PRDM1: variants seen among roughly 807,000 people sequenced by gnomAD.
PRDM1 encodes the protein PR domain zinc finger protein 1.
PRDM1 carries 13 observed loss-of-function variants against 62.8 expected under a neutral mutation model. That is an observed-to-expected ratio of 0.21 (90% confidence interval 0.13 to 0.33). The LOEUF is 0.33. Ranked by LOEUF, PRDM1 falls within the 10% of genes least tolerant of loss-of-function variation. The pLI, the probability that PRDM1 is intolerant of heterozygous loss-of-function variation, is 1.00. For synonymous variants in PRDM1, 396 were observed against 417.6 expected, an observed-to-expected ratio of 0.95 and a Z score of 0.63; for missense variants, 895 against 1,058.8, an observed-to-expected ratio of 0.85 and a Z score of 2.15.
intron 2 of PRDM1, among the ~76,000 whole-genome samples, 153 bp from the exon 3 acceptor site, chr6:106,095,462 T>C (rs1037373113): frequency 6.6e-6 from 1 of 152,260 alleles, no homozygotes; most frequent in Non-Finnish European, 1.5e-5. Flanking sequence ...GTGAAGCTTG[T>C]TAATTATGTA....
In PRDM1 at chr6:106,014,302, C is replaced by T. The variant is rs182385457; in HGVS notation, c.-67+20663C>T. Among the ~76,000 whole-genome samples, 526 of 151,776 alleles carry T rather than the reference C, an allele frequency of 3.5e-3. 2 individuals carry two copies. The highest frequency in any genetic ancestry group is 5.4e-3 in the Non-Finnish European group (364 of 67,854). On this transcript the variant is annotated intron_variant, in intron 1 of 6. Transcript: ENST00000652320. Reference sequence around the variant, plus strand: ...CTCAAACTTCTGGGCTCAAGTAATCCGCCCGCCTCTGCCTCCCAAAGCGCT... The same window carrying T: ...CTCAAACTTCTGGGCTCAAGTAATCTGCCCGCCTCTGCCTCCCAAAGCGCT...
rs1426873439 is a variant in PRDM1 at position 106,105,168 on chromosome 6, C to T, written c.1008C>T (p.Ser336=). Residue 336 remains serine, a synonymous_variant, in exon 5 of 7, where the codon AGC becomes AGT. Transcript: ENST00000369096. ...CCATTCCATCCTCCACCACTCCAAG[C>T]CCCTCTGCAAGAAGCAGCCCCGACC... ...RSPIPSSTTP[S]PSARSSPDQS... is the part of the protein sequence containing the mutation. The T allele has an allele frequency of 1.9e-6, 3 of 1,613,034 alleles. No individual in the cohort carries two copies. Among genetic ancestry groups the T allele is most frequent in the East Asian group, 2.2e-5 (1 of 44,856 alleles).
chr6:106,097,808 G>A (rs1774151529), intron 3 of PRDM1, among the ~76,000 whole-genome samples: 1 of 152,160 alleles, frequency 6.6e-6, no homozygotes. Flanking sequence ...GTACAAGAGC[G>A]ATGGAACCCC....
chr6:106,026,199 C>T (rs1475851623), intron 1 of PRDM1, among the ~76,000 whole-genome samples: 7 of 152,134 alleles, frequency 4.6e-5, no homozygotes, highest in Non-Finnish European at 1.5e-5. Flanking sequence ...CAGAAAATGG[C>T]CGGGTGCAGT....
At position 106,078,500 on chromosome 6, in the gene PRDM1, C is replaced by T. The variant is rs1047116383; in HGVS notation, c.-66-9701C>T. ...TGCTTTTGATGGAGCAGGATAGCAG[C>T]CAGATGCCTTCTTTGTGTTATATCA... On this transcript the variant is annotated intron_variant, in intron 1 of 6. Transcript: ENST00000651185. Among the ~76,000 whole-genome samples the T allele has an allele frequency of 2.0e-5, 3 of 152,186 alleles. No homozygotes were observed. The South Asian group carries it at 6.2e-4, about 32-fold the overall frequency.
At chr6:106,010,657 T>C (rs1244489565) in intron 1 of PRDM1, among the ~76,000 whole-genome samples, 1 of 152,220 alleles carries the variant, frequency 6.6e-6, no homozygotes, top group Non-Finnish European at 1.5e-5. Flanking sequence ...TAAAAAGTTC[T>C]AGTTTTAAGG....
At chr6:106,075,391 G>C (rs1773590513) in intron 1 of PRDM1, among the ~76,000 whole-genome samples, 1 of 152,130 alleles carries the variant, frequency 6.6e-6, no homozygotes. Context: ...TATATATTTT[G>C]AGACAATTGT....
chr6:106,033,051 G>A (rs1238238840), intron 1 of PRDM1, among the ~76,000 whole-genome samples: 1 of 141,022 alleles, frequency 7.1e-6, no homozygotes, highest in Non-Finnish European at 1.5e-5. Context: ...AATGGGCTTA[G>A]AGATAACAAA....
At chr6:106,007,814 G>A (rs977087013) in intron 1 of PRDM1, among the ~76,000 whole-genome samples, 4 of 151,996 alleles carry the variant, frequency 2.6e-5, no homozygotes, top group African/African-American at 4.8e-5. Context: ...ATCTCCTAAC[G>A]ACTTTCTCCA....
chr6:106,000,041 A>G (rs1040206498), intron 1 of PRDM1, among the ~76,000 whole-genome samples: 1 of 151,946 alleles, frequency 6.6e-6, no homozygotes, highest in African/African-American at 2.4e-5. Context: ...AATAGAGATG[A>G]GGTTTCACCG....
At chr6:106,000,139 G>A (rs754915840) in intron 1 of PRDM1, among the ~76,000 whole-genome samples, 26 of 152,152 alleles carry the variant, frequency 1.7e-4, no homozygotes, top group Non-Finnish European at 3.1e-4. Context: ...GTGAGCCACC[G>A]CGCCTGGCAT....
chr6:106,054,688 G>T (rs1773235188), intron 1 of PRDM1, among the ~76,000 whole-genome samples: 1 of 152,120 alleles, frequency 6.6e-6, no homozygotes, highest in Non-Finnish European at 1.5e-5. Flanking sequence ...TACTTCTTCA[G>T]GTAGAACTAA....
chr6:106,083,401 A>G (rs1179467107), upstream of PRDM1, among the ~76,000 whole-genome samples: 2 of 149,516 alleles, frequency 1.3e-5, no homozygotes, highest in African/African-American at 5.1e-5. Context: ...GTTCCTTTCG[A>G]AAAAAAAAAT....
At chr6:106,007,859 A>G (rs1370841705) in intron 1 of PRDM1, among the ~76,000 whole-genome samples, 1 of 152,128 alleles carries the variant, frequency 6.6e-6, no homozygotes, top group African/African-American at 2.4e-5. Context: ...CTTTCCTCCT[A>G]AACTTCTTAA....
rs753529431 is a variant in PRDM1 at position 106,104,809 on chromosome 6, T to C, written c.665-16T>C. 1.3e-6 allele frequency: 2 copies of C among 1,599,236 alleles called. No individual in the cohort carries two copies. The highest frequency in any genetic ancestry group is 1.1e-5 in the South Asian group (1 of 89,442). On this transcript the variant is annotated splice_polypyrimidine_tract_variant and intron_variant, in intron 4 of 6. Coordinates refer to ENST00000369096, the MANE Select transcript of PRDM1 (RefSeq NM_001198.4). Reference sequence around the variant, plus strand: ...CTCTAGCCCTCTGTGTAATCGCCCCTTTTTCTTTATTTCAGCACAAACACA... The same window carrying C: ...CTCTAGCCCTCTGTGTAATCGCCCCCTTTTCTTTATTTCAGCACAAACACA...
chr6:106,071,195 C>A (rs568645567), intron 1 of PRDM1, among the ~76,000 whole-genome samples: 1 of 152,126 alleles, frequency 6.6e-6, no homozygotes, highest in Non-Finnish European at 1.5e-5. Flanking sequence ...ATTGCTTGAA[C>A]CTGAGAAGGG....
chr6:106,027,890 T>C (rs1772787416), intron 1 of PRDM1, among the ~76,000 whole-genome samples: 1 of 152,200 alleles, frequency 6.6e-6, no homozygotes, highest in Non-Finnish European at 1.5e-5. Context: ...TTCCTACAGC[T>C]GGCACTTAGC....
At chr6:106,037,410 T>A (rs1360789907) in intron 1 of PRDM1, among the ~76,000 whole-genome samples, 1 of 152,302 alleles carries the variant, frequency 6.6e-6, no homozygotes, top group East Asian at 1.9e-4. Context: ...ATTTGGTCAG[T>A]TTTCAGCCAC....
At chr6:106,069,211 G>A (rs1284062117) in intron 1 of PRDM1, among the ~76,000 whole-genome samples, 1 of 152,148 alleles carries the variant, frequency 6.6e-6, no homozygotes, top group Non-Finnish European at 1.5e-5. Context: ...ACATACAGTT[G>A]AGAACAAATT....
Sources: allele counts gnomAD v4.1 joint callset (sites outside exome capture counted in the v4.1 genomes callset), GRCh38; gene constraint gnomAD v4.1.1; transcripts MANE v1.5; gene names NCBI Gene and HGNC (gene_info 2026-07-23, HGNC 2026-07-21).